Variants in STMN2 observed in about 807,000 individuals in gnomAD.
The protein encoded by STMN2 is stathmin-2.
STMN2 carries 2 observed loss-of-function variants against 24.1 expected under a neutral mutation model. The observed-to-expected ratio is 0.08, with a 90% CI of 0.03 to 0.26. The LOEUF is 0.26. STMN2 is among the 10% of genes least tolerant of loss of function. The pLI is 1.00. For synonymous variants in STMN2, 83 were observed against 77.5 expected (o/e 1.07, Z -0.37); for missense variants, 114 against 213.6 (o/e 0.53, Z 2.91).
intron 3 of STMN2, among the ~76,000 whole-genome samples, chr8:79,652,014 A>G (rs1810343641): frequency 6.6e-6 from 1 of 152,250 alleles, no homozygotes. Context: ...ACCACTGAGC[A>G]GAAATGTTAC....
At chr8:79,655,095 T>C in intron 4 of STMN2, 33 bp downstream of exon 4, 2 of 1,608,668 alleles carry the variant, frequency 1.2e-6, no homozygotes, top group East Asian at 2.2e-5. Flanking sequence ...CAGATGGATA[T>C]ATTCATATGC....
rs1381911220 is a variant in STMN2 at position 79,655,053 on chromosome 8, G to A, written c.471G>A (p.Leu157=). ...EANLAAIIER[L]QEKERHAAEV... ...ATCTAGCTGCTATTATTGAACGTCT[G>A]CAGGAAAAGGTAATCTCAGCAGAGT... The change falls in exon 4 of 5, where the codon CTG becomes CTA. Residue 157 remains leucine (L), a synonymous_variant. Transcript: ENST00000220876. The A allele has an allele frequency of 3.1e-6, 5 of 1,613,810 alleles. No homozygotes were observed. The African/African-American group carries it at 5.3e-5, about 17-fold the overall frequency.
chr8:79,664,439 T>G (rs1806560124), intron 4 of STMN2, among the ~76,000 whole-genome samples: 1 of 152,186 alleles, frequency 6.6e-6, no homozygotes, highest in Admixed American at 6.5e-5. Flanking sequence ...AGAGTGTCCA[T>G]CAGGATTATA....
chr8:79,638,220 T>G (rs1810011139), intron 2 of STMN2, among the ~76,000 whole-genome samples: 1 of 152,208 alleles, frequency 6.6e-6, no homozygotes, highest in African/African-American at 2.4e-5. Context: ...CAGGGCTTAG[T>G]AGAAGAGTCT....
At chr8:79,657,001 G>A (rs577871881) in intron 4 of STMN2, among the ~76,000 whole-genome samples, 1 of 152,190 alleles carries the variant, frequency 6.6e-6, no homozygotes, top group South Asian at 2.1e-4. Context: ...AGCCTCCCAA[G>A]TAGCTGAGAT....
intron 1 of STMN2, chr8:79,631,564 T>C (rs946680740): frequency 4.0e-5 from 27 of 668,320 alleles, no homozygotes; most frequent in Non-Finnish European, 4.8e-5. Context: ...GAGTTATTTC[T>C]TTTTCTTTTT....
intron 1 of STMN2, among the ~76,000 whole-genome samples, chr8:79,612,889 C>A (rs1189620072): frequency 6.6e-6 from 1 of 152,112 alleles, no homozygotes; most frequent in African/African-American, 2.4e-5. Flanking sequence ...TTTTTTCAGC[C>A]CCGCAGTCCA....
chr8:79,654,919 G>A lies in STMN2; in HGVS notation c.337G>A (p.Glu113Lys), dbSNP rs1366927213. 2.5e-6 allele frequency: 4 copies of A among 1,613,630 alleles called. No individual in the cohort carries two copies. Residue 113 changes from glutamate to lysine, a missense_variant, in exon 4 of 5, where the codon GAG becomes AAG. Physicochemically the swap from Glu to Lys is moderately conservative, Grantham distance 56. Coordinates refer to ENST00000220876, the MANE Select transcript of STMN2 (RefSeq NM_007029.4). Reference sequence around the variant, plus strand: ...ACAATTGGCAGAGAAGAGGGAACACGAGCGAGAAGTCCTTCAGAAGGCTTT... The same window carrying A: ...ACAATTGGCAGAGAAGAGGGAACACAAGCGAGAAGTCCTTCAGAAGGCTTT... Reference protein sequence around the residue: ...LKQLAEKREHEREVLQKALEE... With the variant: ...LKQLAEKREHKREVLQKALEE...
chr8:79,633,689 G>T (rs766139743), intron 1 of STMN2, among the ~76,000 whole-genome samples: 18 of 152,144 alleles, frequency 1.2e-4, no homozygotes, highest in Non-Finnish European at 2.2e-4. Context: ...ATTCATGAAG[G>T]CTTCACCTTC....
chr8:79,626,692 T>G (rs1056811417), intron 1 of STMN2, among the ~76,000 whole-genome samples: 1 of 152,174 alleles, frequency 6.6e-6, no homozygotes, highest in African/African-American at 2.4e-5. Context: ...CCCTCCCTGC[T>G]TAGCAACCAA....
At position 79,664,786 on chromosome 8, in the gene STMN2, A is replaced by C. The variant is rs200238030; in HGVS notation, c.481-29A>C. On this transcript the variant is annotated intron_variant, in intron 4 of 4. Transcript: ENST00000220876. ...AAGGACCAGACAAAAAGGGCCTGTG[A>C]CATTTCTTCTTCCTTTTGTGTTTTT... 3.2e-5 allele frequency: 51 copies of C among 1,609,956 alleles called. No homozygotes were observed. In the East Asian group the frequency reaches 1.1e-3, roughly 35 times the overall value.
At position 79,654,386 on chromosome 8, in the gene STMN2, A is replaced by G. The variant is rs945773401; in HGVS notation, c.289-485A>G. 2.6e-5 allele frequency among the ~76,000 whole-genome samples: 4 copies of G among 152,158 alleles called. No homozygotes were observed. The South Asian group carries it at 6.2e-4, about 24-fold the overall frequency. On this transcript the variant is annotated intron_variant, in intron 3 of 4. Transcript: ENST00000220876. ...GGAAGGGGGTGTGAAATAAAAGGAG[A>G]AAGTGAATTTGATTATTTGATTGAT...
intron 2 of STMN2, among the ~76,000 whole-genome samples, chr8:79,637,740 T>C (rs978754130): frequency 1.3e-5 from 2 of 152,224 alleles, no homozygotes; most frequent in Admixed American, 6.5e-5. Context: ...TATACAGTTC[T>C]ATGTATCCTA....
At chr8:79,612,757 C>G (rs1353359804) in intron 1 of STMN2, among the ~76,000 whole-genome samples, 5 of 152,224 alleles carry the variant, frequency 3.3e-5, no homozygotes, top group Non-Finnish European at 2.9e-5. Flanking sequence ...GAAAGGACTC[C>G]ATCTGCGCGG....
At chr8:79,622,099 G>A (rs1422196097) in intron 1 of STMN2, among the ~76,000 whole-genome samples, 1 of 152,110 alleles carries the variant, frequency 6.6e-6, no homozygotes, top group Non-Finnish European at 1.5e-5. Context: ...GTAAGAGAGA[G>A]CATGGATTAG....
At chr8:79,613,073 C>G (rs1809281029) in intron 1 of STMN2, among the ~76,000 whole-genome samples, 1 of 152,116 alleles carries the variant, frequency 6.6e-6, no homozygotes. Context: ...GAGGTGACCC[C>G]CTTCCCAGGG....
At chr8:79,650,955 T>C (rs1386935196) in intron 3 of STMN2, among the ~76,000 whole-genome samples, 2 of 152,148 alleles carry the variant, frequency 1.3e-5, no homozygotes, top group African/African-American at 4.8e-5. Context: ...TAAAAAAAAA[T>C]ATTGAATGCT....
intron 1 of STMN2, among the ~76,000 whole-genome samples, chr8:79,628,774 A>G (rs1809727099): frequency 6.8e-6 from 1 of 147,508 alleles, no homozygotes; most frequent in African/African-American, 2.7e-5. Flanking sequence ...AATATCCGGG[A>G]AAAAAATAGA....
At chr8:79,613,562 C>A in intron 1 of STMN2, 1 of 985,492 alleles carries the variant, frequency 1.0e-6, no homozygotes, top group Non-Finnish European at 1.2e-6. Flanking sequence ...GTTTCCGCTG[C>A]AGGCTAGTGG....
Sources: allele counts gnomAD v4.1 joint callset (sites outside exome capture counted in the v4.1 genomes callset), GRCh38; gene constraint gnomAD v4.1.1; transcripts MANE v1.5; gene names NCBI Gene and HGNC (gene_info 2026-07-23, HGNC 2026-07-21).